NAALADL2: variants seen among roughly 807,000 people sequenced by gnomAD.
The protein encoded by NAALADL2 is inactive N-acetylated-alpha-linked acidic dipeptidase-like protein 2.
A neutral mutation model predicts 87.2 loss-of-function variants in NAALADL2; 76 were observed. The ratio of observed to expected loss-of-function variants is 0.87; its 90% CI spans 0.72 to 1.05. NAALADL2 has a LOEUF of 1.05. Among genes scored for constraint, NAALADL2 ranks in the 50% least tolerant of loss-of-function variants. NAALADL2 has a pLI of 0.00. For synonymous variants in NAALADL2, 354 were observed against 331.0 expected, an observed-to-expected ratio of 1.07 and a Z score of -0.75; for missense variants, 1,089 against 945.8, an observed-to-expected ratio of 1.15 and a Z score of -1.99.
rs537826786 is a variant in NAALADL2, at chr3:174,650,950, G to T, written c.-114-86691G>T. ...TAATTATCTTTTCCTTATGCATTTG[G>T]CCCTATTCACTTAGTTTATCTTTAC... On this transcript the variant is annotated intron_variant, in intron 2 of 3. Coordinates refer to the NAALADL2 transcript ENST00000434257. 5.3e-5 allele frequency among the ~76,000 whole-genome samples: 8 copies of T among 151,978 alleles called. No individual in the cohort carries two copies. In the East Asian group the frequency reaches 1.5e-3, roughly 29 times the overall value.
At chr3:174,993,851 A>C (rs905530614) in intron 1 of NAALADL2, among the ~76,000 whole-genome samples, 31 of 152,150 alleles carry the variant, frequency 2.0e-4, no homozygotes, top group African/African-American at 7.2e-4. Context: ...GACTCTAGGG[A>C]AGACTTCCAT....
chr3:175,014,675 C>T (rs1401538503), intron 1 of NAALADL2, among the ~76,000 whole-genome samples: 2 of 152,042 alleles, frequency 1.3e-5, no homozygotes, highest in Non-Finnish European at 2.9e-5. Flanking sequence ...TCCTTCTATT[C>T]CATTTATTGC....
intron 4 of NAALADL2, among the ~76,000 whole-genome samples, chr3:175,259,893 T>C (rs1750720518): frequency 6.6e-6 from 1 of 152,108 alleles, no homozygotes; most frequent in African/African-American, 2.4e-5. Context: ...CTGGGTGTGG[T>C]GGTGCGCACC....
intron 11 of NAALADL2, among the ~76,000 whole-genome samples, chr3:175,700,179 C>T (rs1738790561): frequency 6.6e-6 from 1 of 152,088 alleles, no homozygotes; most frequent in Admixed American, 6.6e-5. Context: ...TGTGTTTATG[C>T]AAACTTATCT....
intron 1 of NAALADL2, among the ~76,000 whole-genome samples, chr3:175,034,824 T>C (rs1224291592): frequency 6.6e-6 from 1 of 152,184 alleles, no homozygotes; most frequent in Non-Finnish European, 1.5e-5. Context: ...ACAAAGCACT[T>C]AGAACAGCAC....
intron 2 of NAALADL2, among the ~76,000 whole-genome samples, chr3:174,632,840 C>T (rs1336623898): frequency 6.8e-6 from 1 of 146,078 alleles, no homozygotes; most frequent in Non-Finnish European, 1.5e-5. Flanking sequence ...GGGGCTGAGG[C>T]ACGAGAATCA....
intron 3 of NAALADL2, among the ~76,000 whole-genome samples, chr3:174,772,081 G>T (rs2109111941): frequency 6.6e-6 from 1 of 152,148 alleles, no homozygotes; most frequent in East Asian, 1.9e-4. Context: ...ATTGGTAATT[G>T]ATGAATATTT....
intron 9 of NAALADL2, among the ~76,000 whole-genome samples, chr3:175,568,156 A>C (rs1717513605): frequency 6.6e-6 from 1 of 151,842 alleles, no homozygotes; most frequent in Admixed American, 6.6e-5. Flanking sequence ...TGTTTATGAG[A>C]AGCTCATTAG....
intron 1 of NAALADL2, among the ~76,000 whole-genome samples, chr3:174,966,920 A>G (rs2108587581): frequency 6.6e-6 from 1 of 152,310 alleles, no homozygotes; most frequent in African/African-American, 2.4e-5. Flanking sequence ...AAAGGAAAAT[A>G]AGTGACATAA....
intron 2 of NAALADL2, among the ~76,000 whole-genome samples, chr3:175,191,270 A>G (rs561629202): frequency 1.3e-5 from 2 of 152,334 alleles, no homozygotes; most frequent in South Asian, 2.1e-4. Flanking sequence ...AAAAAATCCC[A>G]AATATTATAG....
At chr3:175,150,126 A>C (rs1336680112) in intron 2 of NAALADL2, among the ~76,000 whole-genome samples, 1 of 152,210 alleles carries the variant, frequency 6.6e-6, no homozygotes, top group Non-Finnish European at 1.5e-5. Flanking sequence ...GATCATATAC[A>C]TCGTGAGATT....
chr3:174,715,922 T>C (rs1024216854), intron 2 of NAALADL2, among the ~76,000 whole-genome samples: 1 of 152,164 alleles, frequency 6.6e-6, no homozygotes, highest in Non-Finnish European at 1.5e-5. Context: ...GTTTTATTTT[T>C]TGTAGAATAT....
At chr3:175,348,671 T>G (rs11927321) in intron 5 of NAALADL2, among the ~76,000 whole-genome samples, 31,582 of 151,982 alleles carry the variant, frequency 0.21, 3,307 homozygotes, top group East Asian at 0.29. Context: ...GTTCCTTCTG[T>G]GTGTGACGGT....
chr3:174,446,154 A>G (rs1279205855), intron 1 of NAALADL2, among the ~76,000 whole-genome samples: 2 of 152,144 alleles, frequency 1.3e-5, no homozygotes, highest in Non-Finnish European at 2.9e-5. Flanking sequence ...GGTTTCTAAA[A>G]AATTAGACTT....
At chr3:175,687,655 T>C (rs1234647063) in intron 11 of NAALADL2, among the ~76,000 whole-genome samples, 4 of 152,242 alleles carry the variant, frequency 2.6e-5, no homozygotes, top group Admixed American at 1.3e-4. Flanking sequence ...TCAGTGTTTG[T>C]CCCCTCCAAA....
chr3:175,759,373 T>G, intron 13 of NAALADL2, among the ~76,000 whole-genome samples: 1 of 151,772 alleles, frequency 6.6e-6, no homozygotes, highest in East Asian at 1.9e-4. Context: ...TTTTTTTTCT[T>G]TTGAGATGGA....
chr3:175,420,680 C>T (rs1241157081), intron 5 of NAALADL2, among the ~76,000 whole-genome samples: 2 of 151,916 alleles, frequency 1.3e-5, no homozygotes, highest in Non-Finnish European at 2.9e-5. Context: ...ATTGGAAAAG[C>T]ATTATAAAGT....
intron 3 of NAALADL2, among the ~76,000 whole-genome samples, chr3:174,820,060 T>C (rs954257713): frequency 1.3e-5 from 2 of 152,142 alleles, no homozygotes; most frequent in East Asian, 1.9e-4. Flanking sequence ...GTGGGGTTTG[T>C]AATGTGGCTC....
At chr3:175,589,095 G>A (rs565099985) in intron 10 of NAALADL2, among the ~76,000 whole-genome samples, 2 of 152,256 alleles carry the variant, frequency 1.3e-5, no homozygotes, top group East Asian at 3.9e-4. Context: ...TTAATGAGAA[G>A]CATGTAAATT....
Sources: gnomAD v4.1 joint callset for allele counts (sites outside exome capture counted in the v4.1 genomes callset) on GRCh38, gnomAD v4.1.1 for gene constraint, MANE v1.5 for transcripts, NCBI Gene and HGNC (gene_info 2026-07-23, HGNC 2026-07-21) for gene names.